The following TAS2R1 variants were observed in gnomAD, a reference collection of about 807,000 sequenced individuals.
TAS2R1 encodes the protein taste receptor type 2 member 1.
For synonymous variants in TAS2R1, 141 were observed against 134.2 expected (o/e 1.05, Z -0.35); for missense variants, 370 against 353.4 (o/e 1.05, Z -0.38).
chr5:9,723,222 TG>T, the TAS2R1 span, among the ~76,000 whole-genome samples: 1,014 of 152,314 alleles, frequency 6.7e-3, 11 homozygotes, highest in African/African-American at 0.023. Flanking sequence ...TCTCTGTTGT[TG>T]CCATGAAGAC....
chr5:9,830,759 G>A, the TAS2R1 span, among the ~76,000 whole-genome samples: 4 of 152,174 alleles, frequency 2.6e-5, no homozygotes, highest in Non-Finnish European at 4.4e-5. Flanking sequence ...AACCAATAAC[G>A]TACTAACTCT....
chr5:9,793,955 A>G, the TAS2R1 span, among the ~76,000 whole-genome samples: 1 of 152,200 alleles, frequency 6.6e-6, no homozygotes, highest in Non-Finnish European at 1.5e-5. Context: ...CATTGTACTC[A>G]GGAAGATACA....
At chr5:9,671,061 T>C (rs59164001) in intron 1 of TAS2R1, among the ~76,000 whole-genome samples, 21,778 of 152,222 alleles carry the variant, frequency 0.14, 1,962 homozygotes, top group South Asian at 0.21. Context: ...TCTCAATAGA[T>C]GTAGAAAAGG....
At chr5:9,744,102 A>T in the TAS2R1 span, among the ~76,000 whole-genome samples, 2 of 152,116 alleles carry the variant, frequency 1.3e-5, no homozygotes, top group African/African-American at 4.8e-5. Flanking sequence ...GACTGGGGTG[A>T]TCTCTTCCTT....
chr5:9,634,077 T>C (rs908697812), upstream of TAS2R1, among the ~76,000 whole-genome samples: 1 of 152,098 alleles, frequency 6.6e-6, no homozygotes, highest in Non-Finnish European at 1.5e-5. Context: ...TGGTTTTAGG[T>C]GTTATATTTA....
the TAS2R1 span, among the ~76,000 whole-genome samples, chr5:9,835,295 G>A: frequency 6.6e-6 from 1 of 152,202 alleles, no homozygotes; most frequent in African/African-American, 2.4e-5. Flanking sequence ...TCTCCACTGT[G>A]GCCAGGGGGA....
chr5:9,743,933 C>T, the TAS2R1 span, among the ~76,000 whole-genome samples: 2 of 152,140 alleles, frequency 1.3e-5, no homozygotes, highest in Non-Finnish European at 2.9e-5. Context: ...TATTTTCCTA[C>T]ATGGAATATA....
the TAS2R1 span, among the ~76,000 whole-genome samples, chr5:9,848,850 T>A: frequency 1.3e-5 from 2 of 152,220 alleles, no homozygotes; most frequent in African/African-American, 4.8e-5. Context: ...GGTGTTTGTG[T>A]TTTTGCCTGC....
intron 1 of TAS2R1, among the ~76,000 whole-genome samples, chr5:9,703,257 C>A (rs1225726308): frequency 6.6e-6 from 1 of 152,130 alleles, no homozygotes; most frequent in African/African-American, 2.4e-5. Context: ...CTGTCAGGAG[C>A]ACTTTCAGGT....
upstream of TAS2R1, among the ~76,000 whole-genome samples, chr5:9,635,196 G>A (rs1739941257): frequency 6.6e-6 from 1 of 152,048 alleles, no homozygotes; most frequent in Non-Finnish European, 1.5e-5. Flanking sequence ...TGCATCTATT[G>A]AGATGATCAT....
chr5:9,681,543 A>AAAAAAAAAAAAAT (rs1235478334), intron 1 of TAS2R1, among the ~76,000 whole-genome samples: 8 of 150,368 alleles, frequency 5.3e-5, no homozygotes, highest in Non-Finnish European at 4.4e-5. Context: ...AAAAAAAAAA[A>AAAAAAAAAAAAAT]AAAAAAAGAT....
At chr5:9,895,559 A>G in the TAS2R1 span, among the ~76,000 whole-genome samples, 5 of 152,238 alleles carry the variant, frequency 3.3e-5, no homozygotes, top group African/African-American at 1.2e-4. Context: ...TGCAATGGTC[A>G]ACAGAGAGGT....
chr5:9,677,954 C>A (rs1444792988), intron 1 of TAS2R1, among the ~76,000 whole-genome samples: 1 of 152,130 alleles, frequency 6.6e-6, no homozygotes, highest in Non-Finnish European at 1.5e-5. Flanking sequence ...ATAATCCCAA[C>A]TAAATGGGCA....
At chr5:9,873,862 C>T in the TAS2R1 span, among the ~76,000 whole-genome samples, 4 of 119,336 alleles carry the variant, frequency 3.4e-5, no homozygotes, top group Admixed American at 3.1e-4. Context: ...GAGTGAGACT[C>T]TGTCTCGGGG....
chr5:9,782,718 A>G, the TAS2R1 span, among the ~76,000 whole-genome samples: 1 of 152,218 alleles, frequency 6.6e-6, no homozygotes, highest in Non-Finnish European at 1.5e-5. Context: ...GCTTAAAAAC[A>G]CTTTTAAAGG....
chr5:9,851,167 A>C, the TAS2R1 span, among the ~76,000 whole-genome samples: 3 of 152,190 alleles, frequency 2.0e-5, no homozygotes, highest in African/African-American at 7.2e-5. Flanking sequence ...AAGTTTAATA[A>C]ATTATCTATA....
chr5:9,900,618 G>GT, the TAS2R1 span, among the ~76,000 whole-genome samples: 4,224 of 119,870 alleles, frequency 0.035, 287 homozygotes, highest in African/African-American at 0.12. Context: ...TGCTCAAATG[G>GT]TTTTTTTTTT....
the TAS2R1 span, among the ~76,000 whole-genome samples, chr5:9,720,418 G>C: frequency 6.6e-6 from 1 of 152,254 alleles, no homozygotes; most frequent in Non-Finnish European, 1.5e-5. Flanking sequence ...CAGGAAGCAA[G>C]AGAGCAAACG....
Position 9,629,832 on chromosome 5 carries a change from C to A in TAS2R1, c.201G>T (p.Val67=), listed in dbSNP as rs752695852. 6.2e-7 allele frequency: 1 copy of A among 1,613,658 alleles called. No individual in the cohort carries two copies. The highest frequency in any genetic ancestry group is 8.5e-7 in the Non-Finnish European group (1 of 1,179,802). ...TGAATTCTATGAAGAAGATAACAAT[C>A]ACATTAACGTAGAAGATGAACAACT... ...FLQLFIFYVN[V]IVIFFIEFIM... The change falls in exon 1 of 1, where the codon GTG becomes GTT. Residue 67 remains valine (V), a synonymous_variant. Transcript: ENST00000382492.
Sources: gnomAD v4.1 joint callset for allele counts (sites outside exome capture counted in the v4.1 genomes callset) on GRCh38, gnomAD v4.1.1 for gene constraint, MANE v1.5 for transcripts, NCBI Gene and HGNC (gene_info 2026-07-23, HGNC 2026-07-21) for gene names.